Variants in PUDP observed in about 807,000 individuals in gnomAD.
The protein encoded by PUDP is pseudouridine-5'-phosphatase.
PUDP carries 8 observed loss-of-function variants against 9.4 expected under a neutral mutation model. That is an observed-to-expected ratio of 0.85 (90% CI 0.50 to 1.53). The LOEUF (loss-of-function observed/expected upper bound fraction) is 1.53. Among genes scored for constraint, PUDP ranks in the 40% most tolerant of loss-of-function variants. The pLI, the probability that PUDP is intolerant of heterozygous loss-of-function variation, is 0.00. For synonymous variants in PUDP, 99 were observed against 80.7 expected, an observed-to-expected ratio of 1.23 and a Z score of -1.22; for missense variants, 188 against 189.7, an observed-to-expected ratio of 0.99 and a Z score of 0.05.
At chrX:7,110,050 G>C (rs1304334879) in intron 1 of PUDP, among the ~76,000 whole-genome samples, 2 of 112,487 alleles carry the variant, frequency 1.8e-5, no homozygotes, top group Non-Finnish European at 1.9e-5. Context: ...AGCATGGGGA[G>C]GGGGAGAGCC....
chrX:6,771,288 A>C (rs185004392), intron 3 of PUDP, among the ~76,000 whole-genome samples: 303 of 111,853 alleles, frequency 2.7e-3, no homozygotes, highest in Non-Finnish European at 4.7e-3. Flanking sequence ...GCCTTCTGAC[A>C]AGCTTCCTTT....
At chrX:6,816,970 TAC>T (rs1317158391) in intron 3 of PUDP, among the ~76,000 whole-genome samples, 25 of 97,873 alleles carry the variant, frequency 2.6e-4, no homozygotes, top group African/African-American at 8.6e-4. Context: ...ACAATATATA[TAC>T]ACATATAGTA....
intron 3 of PUDP, among the ~76,000 whole-genome samples, chrX:6,875,038 G>GT (rs1161404688): frequency 2.7e-5 from 3 of 111,643 alleles, no homozygotes; most frequent in Non-Finnish European, 5.7e-5. Context: ...AAAATCAAAT[G>GT]TTTTTTAAAA....
intron 3 of PUDP, among the ~76,000 whole-genome samples, chrX:7,075,614 G>A (rs1028291640): frequency 8.9e-6 from 1 of 111,972 alleles, no homozygotes; most frequent in Non-Finnish European, 1.9e-5. Flanking sequence ...CGTCAGTGAT[G>A]TCATCACTCA....
chrX:7,092,790 C>T lies in PUDP; in HGVS notation c.280+12830G>A, dbSNP rs1482321486. Among the ~76,000 whole-genome samples the T allele has an allele frequency of 2.7e-5, 3 of 111,721 alleles. No homozygotes were observed. The East Asian group carries it at 8.4e-4, about 31-fold the overall frequency. ...CCAGGTGCTTGGGGCGTATGAGAGA[C>T]ACCTGTCTTCCCTGATAAGAGTGTA... On this transcript the variant is annotated intron_variant, in intron 2 of 3. Coordinates refer to ENST00000381077, the MANE Select transcript of PUDP (RefSeq NM_012080.5).
intron 3 of PUDP, among the ~76,000 whole-genome samples, chrX:6,888,277 C>T (rs1326156188): frequency 1.8e-5 from 2 of 110,533 alleles, no homozygotes; most frequent in Non-Finnish European, 3.8e-5. Context: ...GGAAAGAACA[C>T]AGCATTAAAT....
At chrX:6,855,360 A>G (rs767157084) in intron 3 of PUDP, among the ~76,000 whole-genome samples, 3 of 111,839 alleles carry the variant, frequency 2.7e-5, no homozygotes, top group Non-Finnish European at 5.6e-5. Context: ...TGGGCTGTTA[A>G]TAGTTTAAGT....
chrX:7,031,067 G>A (rs769521788), intron 1 of PUDP, among the ~76,000 whole-genome samples: 1 of 111,204 alleles, frequency 9.0e-6, no homozygotes, highest in South Asian at 3.9e-4. Flanking sequence ...AACTGTCATG[G>A]CGCTGGTGGG....
intron 3 of PUDP, among the ~76,000 whole-genome samples, chrX:6,869,836 G>A (rs1259439391): frequency 1.8e-5 from 2 of 111,182 alleles, no homozygotes; most frequent in African/African-American, 6.5e-5. Context: ...CGGCTCTTAT[G>A]AAAAACAATA....
At chrX:7,066,406 A>T (rs935054065) in intron 3 of PUDP, among the ~76,000 whole-genome samples, 10 of 111,051 alleles carry the variant, frequency 9.0e-5, no homozygotes, top group African/African-American at 2.6e-4. Flanking sequence ...GTAGAGGACA[A>T]TTTTTCCTAG....
intron 1 of PUDP, among the ~76,000 whole-genome samples, chrX:7,144,856 T>C (rs1286748888): frequency 1.8e-5 from 2 of 112,201 alleles, no homozygotes; most frequent in Non-Finnish European, 3.8e-5. Context: ...TTTAAAAGGA[T>C]TTTAAATAAT....
chrX:7,117,593 G>C (rs1222743019), intron 1 of PUDP, among the ~76,000 whole-genome samples: 1 of 112,894 alleles, frequency 8.9e-6, no homozygotes, highest in Non-Finnish European at 1.9e-5. Context: ...ATATTTAAAG[G>C]GAAGGTAGAG....
intron 3 of PUDP, among the ~76,000 whole-genome samples, chrX:7,073,769 A>G (rs1225835935): frequency 1.8e-5 from 2 of 113,229 alleles, no homozygotes; most frequent in Non-Finnish European, 3.7e-5. Context: ...ATGAGAGGAA[A>G]CATTTCATTT....
upstream of PUDP, among the ~76,000 whole-genome samples, chrX:6,726,311 C>T (rs751577053): frequency 1.4e-3 from 154 of 111,441 alleles, no homozygotes; most frequent in African/African-American, 4.9e-3. Flanking sequence ...GGTTGGTTAA[C>T]GGATATGAAC....
At chrX:6,820,531 G>A (rs1226679152) in intron 3 of PUDP, among the ~76,000 whole-genome samples, 1 of 111,776 alleles carries the variant, frequency 8.9e-6, no homozygotes, top group East Asian at 2.8e-4. Flanking sequence ...TAGATACCAT[G>A]GCGGTACAGG....
chrX:6,994,991 AAAG>A (rs1204071918), intron 1 of PUDP, among the ~76,000 whole-genome samples: 1 of 111,657 alleles, frequency 9.0e-6, no homozygotes, highest in Non-Finnish European at 1.9e-5. Flanking sequence ...ATATGGAAAA[AAAG>A]AAGATGTGAC....
intron 3 of PUDP, among the ~76,000 whole-genome samples, chrX:6,887,148 TATTTAATTTA>T (rs67503668): frequency 9.7e-6 from 1 of 103,518 alleles, no homozygotes; most frequent in Non-Finnish European, 2.0e-5. Flanking sequence ...TTAATTTAAT[TATTTAATTTA>T]ATTTATTTAT....
At chrX:7,059,259 A>G (rs1463137633) in intron 3 of PUDP, among the ~76,000 whole-genome samples, 1 of 111,611 alleles carries the variant, frequency 9.0e-6, no homozygotes, top group Admixed American at 9.5e-5. Context: ...ATGTAAATTA[A>G]GTGGTGAGCA....
intron 3 of PUDP, among the ~76,000 whole-genome samples, chrX:6,885,525 G>A (rs1477531957): frequency 1.8e-5 from 2 of 111,996 alleles, no homozygotes; most frequent in Non-Finnish European, 3.8e-5. Context: ...CAAACCTTAA[G>A]GGGGATCATC....
Sources: gnomAD v4.1 joint callset for allele counts (sites outside exome capture counted in the v4.1 genomes callset) on GRCh38, gnomAD v4.1.1 for gene constraint, MANE v1.5 for transcripts, NCBI Gene and HGNC (gene_info 2026-07-23, HGNC 2026-07-21) for gene names.